TBC1D20: variants seen among roughly 807,000 people sequenced by gnomAD.
TBC1D20 encodes the protein TBC1 domain family member 20, also known as chromosome 20 open reading frame 140.
TBC1D20 carries 12 observed loss-of-function variants against 41.6 expected under a neutral mutation model. That is an observed-to-expected ratio of 0.29 (90% CI 0.18 to 0.47). The LOEUF (loss-of-function observed/expected upper bound fraction) is 0.47, where lower values mean the gene tolerates loss of function less well. TBC1D20 is among the 20% of genes least tolerant of loss of function. The probability of loss-of-function intolerance (pLI) is 1.00; values close to 1 mark genes in which losing one functional copy is unlikely to be tolerated. For missense variants in TBC1D20, 421 were observed against 517.4 expected, an observed-to-expected ratio of 0.81 and a Z score of 1.81; for synonymous variants, 205 against 204.8, an observed-to-expected ratio of 1.00 and a Z score of -0.01.
chr20:455,913 C>T (rs564873701), intron 1 of TBC1D20, among the ~76,000 whole-genome samples: 90 of 149,824 alleles, frequency 6.0e-4, no homozygotes, highest in African/African-American at 2.1e-3. Context: ...GCCTGGGCAA[C>T]GAGAGCAAAA....
intron 1 of TBC1D20, among the ~76,000 whole-genome samples, chr20:454,884 C>T (rs926710642): frequency 3.3e-5 from 5 of 152,120 alleles, no homozygotes; most frequent in Non-Finnish European, 7.3e-5. Context: ...CCATGCCAGG[C>T]TGGTCTCGAA....
chr20:442,924 C>A (rs1221861746), intron 3 of TBC1D20, among the ~76,000 whole-genome samples: 2 of 151,968 alleles, frequency 1.3e-5, no homozygotes, highest in African/African-American at 4.8e-5. Context: ...GGTGAAAAAC[C>A]CCGTCTCTAA....
At position 436,278 on chromosome 20, in the gene TBC1D20, G is replaced by A. The variant is rs1379637343; in HGVS notation, c.*2308C>T. 2.0e-5 allele frequency: 3 copies of A among 152,320 alleles called. No individual in the cohort carries two copies. Among genetic ancestry groups the A allele is most frequent in the South Asian group, 4.1e-4 (2 of 4,826 alleles). 9.4% of individuals were successfully genotyped at this position (152,320 alleles called of 1,614,324 possible). A position where few individuals can be genotyped will look rare whatever the true frequency, so the allele number is the denominator to read the frequency against. ...TGGCCAAGGACGGAATGACAGAAGA[G>A]GTGATTAGTAACCACATATGGCTGT... On this transcript the variant is annotated 3_prime_UTR_variant, in exon 8 of 8. Coordinates refer to ENST00000354200, the MANE Select transcript of TBC1D20 (RefSeq NM_144628.4).
chr20:444,648 C>T (rs1367313290), intron 3 of TBC1D20, among the ~76,000 whole-genome samples: 2 of 151,998 alleles, frequency 1.3e-5, no homozygotes, highest in Non-Finnish European at 2.9e-5. Context: ...AGGGAATGGC[C>T]TCTCTTCCCT....
chr20:451,520 C>T (rs2017442246), intron 1 of TBC1D20, among the ~76,000 whole-genome samples: 1 of 152,102 alleles, frequency 6.6e-6, no homozygotes, highest in Admixed American at 6.6e-5. Context: ...TGCACTCTAG[C>T]CTGGACGTCA....
intron 3 of TBC1D20, among the ~76,000 whole-genome samples, chr20:443,083 G>C (rs2017269368): frequency 6.6e-6 from 1 of 152,096 alleles, no homozygotes; most frequent in Non-Finnish European, 1.5e-5. Flanking sequence ...CCGGGCGAGA[G>C]AGCAAGACTC....
chr20:454,650 C>CATTATTATTATTATT lies in TBC1D20; in HGVS notation c.71-6591_71-6577dup, dbSNP rs11471553. Among the ~76,000 whole-genome samples the CATTATTATTATTATT allele has an allele frequency of 8.2e-4, 123 of 149,582 alleles. 1 individual carries two copies. The highest frequency in any genetic ancestry group is 2.8e-3 in the African/African-American group (114 of 40,866). The stretch of plus-strand genomic sequence containing the variant: ...AAACTGTTTCTATGACAAAGCTGTA[C>CATTATTATTATTATT]ATTATTATTATTATTATTATTATTT... On this transcript the variant is annotated intron_variant, in intron 1 of 7. Coordinates refer to ENST00000354200, the MANE Select transcript of TBC1D20 (RefSeq NM_144628.4).
chr20:460,517 G>GT (rs1391989171), intron 1 of TBC1D20, among the ~76,000 whole-genome samples: 5 of 151,734 alleles, frequency 3.3e-5, no homozygotes, highest in African/African-American at 1.2e-4. Context: ...TTCAGTCTGG[G>GT]TAAGAGTTCT....
At chr20:462,283 C>A (rs1183510437) in intron 1 of TBC1D20, 53 bp downstream of exon 1, 3 of 1,199,242 alleles carry the variant, frequency 2.5e-6, no homozygotes, top group African/African-American at 1.6e-5. Flanking sequence ...GCTGCCCCTG[C>A]CCCCCGGGCC....
In TBC1D20 at chr20:439,743, C is replaced by T. The variant is rs533750835; in HGVS notation, c.769-448G>A. ...CTGTTGGTCCACAAATCCACAGATG[C>T]TCAAGGGACCAGTGGTCATTGAAGG... On this transcript the variant is annotated intron_variant, in intron 6 of 7. Transcript: ENST00000354200. This position sits in a 1 kb window ranked among gnomAD's most constrained non-coding sequence, Gnocchi z 4.6. Among the ~76,000 whole-genome samples the T allele has an allele frequency of 1.2e-4, 19 of 152,338 alleles. No individual in the cohort carries two copies. The highest frequency in any genetic ancestry group is 2.8e-4 in the Non-Finnish European group (19 of 68,030).
In TBC1D20 at chr20:444,665, A is replaced by C. The variant is rs561136318; in HGVS notation, c.337+385T>G. Among the ~76,000 whole-genome samples the C allele has an allele frequency of 1.1e-4, 17 of 152,264 alleles. No homozygotes were observed. The South Asian group carries it at 2.1e-3, about 19-fold the overall frequency. On this transcript the variant is annotated intron_variant, in intron 3 of 7. Coordinates refer to ENST00000354200, the MANE Select transcript of TBC1D20 (RefSeq NM_144628.4). The stretch of plus-strand genomic sequence containing the variant: ...GGAATGGCCTCTCTTCCCTCTAAGG[A>C]ATCTTACATATGTATGCGCAAGGTA...
intron 1 of TBC1D20, among the ~76,000 whole-genome samples, chr20:459,639 T>TTTTATTTA (rs1010556697): frequency 3.3e-5 from 5 of 152,178 alleles, no homozygotes; most frequent in South Asian, 2.1e-4. Flanking sequence ...GAACGCTTAT[T>TTTTATTTA]TTTATTTATT....
rs1281146463 is a variant in TBC1D20 at position 445,075 on chromosome 20, C to T, written c.312G>A (p.Arg104=). ...CAGGAGGGAACCGCCGCAATGACCG[C>T]CGGACGTCCAGCAACACTTGTTGGT... The part of the protein sequence containing the change: ...KDYQQVLLDV[R]RSLRRFPPGM... The change falls in exon 3 of 8, where the codon CGG becomes CGA. Residue 104 remains arginine, a synonymous_variant. Coordinates refer to ENST00000354200, the MANE Select transcript of TBC1D20 (RefSeq NM_144628.4). 1.2e-6 allele frequency: 2 copies of T among 1,605,724 alleles called. No homozygotes were observed. Among genetic ancestry groups the T allele is most frequent in the Non-Finnish European group, 1.7e-6 (2 of 1,175,200 alleles).
At position 438,849 on chromosome 20, in the gene TBC1D20, G is replaced by A; in HGVS notation, c.957-8C>T. ...AAAGTAGAGGCTGCCGTCCTGCAGG[G>A]GAAAGAGACGGAAGGAAGGAAGTGG... is the stretch of plus-strand genomic sequence containing the variant. On this transcript the variant is annotated splice_polypyrimidine_tract_variant and splice_region_variant and intron_variant, in intron 7 of 7. Transcript: ENST00000354200. 1 of 1,610,742 alleles carries A rather than the reference G, an allele frequency of 6.2e-7. No individual in the cohort carries two copies.
In TBC1D20 at chr20:438,976, G is replaced by A. The variant is rs146255276; in HGVS notation, c.956+132C>T. The stretch of plus-strand genomic sequence containing the variant: ...TATGATAAAGACCCATATGTCTACA[G>A]TGGGGATTCCACTGGCCTAAGCTCA... On this transcript the variant is annotated intron_variant, in intron 7 of 7. Transcript: ENST00000354200. The A allele has an allele frequency of 0.03, 43,132 of 1,452,776 alleles. 725 individuals carry two copies. The highest frequency in any genetic ancestry group is 0.038 in the South Asian group (2,827 of 75,262). The allele number at this position is 1,452,776 out of a possible 1,614,324, so 90.0% of individuals were successfully genotyped here.
rs185615488 is a variant in TBC1D20, at chr20:449,571, G to A, written c.71-1497C>T. Among the ~76,000 whole-genome samples the A allele has an allele frequency of 4.2e-3, 640 of 152,114 alleles. 6 individuals are homozygous for A. Among genetic ancestry groups the A allele is most frequent in the African/African-American group, 0.015 (607 of 41,512 alleles). On this transcript the variant is annotated intron_variant, in intron 1 of 7. Coordinates refer to ENST00000354200, the MANE Select transcript of TBC1D20 (RefSeq NM_144628.4). ...AGATCGTGCCACTGCACTCCAGCCT[G>A]GGCGACAAAGTGAGACTCCGTCTCA...
rs574708479 is a variant in TBC1D20, at chr20:439,041, C to A, written c.956+67G>T. 5.9e-4 allele frequency: 917 copies of A among 1,550,388 alleles called. No individual in the cohort carries two copies. Among genetic ancestry groups the A allele is most frequent in the Admixed American group, 1.0e-3 (55 of 53,552 alleles). On this transcript the variant is annotated intron_variant, in intron 7 of 7. Transcript: ENST00000354200. This position sits in a 1 kb window ranked among gnomAD's most constrained non-coding sequence, Gnocchi z 4.6. ...TGCCCCAACCCTATCCCACCAGACA[C>A]AAACCTTCCCTCGCTTCTGCTCATT...
rs530608053 is a variant in TBC1D20 at position 448,955 on chromosome 20, T to C, written c.71-881A>G. On this transcript the variant is annotated intron_variant, in intron 1 of 7. Transcript: ENST00000354200. Reference sequence around the variant, plus strand: ...GCCTCCCGGGTCCCGGTTCAAGCAATTCTGCCTCAGCCTCCCAAGTAGCTG... The same window carrying C: ...GCCTCCCGGGTCCCGGTTCAAGCAACTCTGCCTCAGCCTCCCAAGTAGCTG... Among the ~76,000 whole-genome samples, 23 of 146,400 alleles carry C rather than the reference T, an allele frequency of 1.6e-4. No homozygotes were observed. In the South Asian group the frequency reaches 3.8e-3, roughly 24 times the overall value.
Position 443,789 on chromosome 20 carries a change from T to C in TBC1D20, c.337+1261A>G, listed in dbSNP as rs115178001. 5.1e-3 allele frequency among the ~76,000 whole-genome samples: 769 copies of C among 152,168 alleles called. 8 individuals are homozygous for C. The highest frequency in any genetic ancestry group is 0.018 in the African/African-American group (743 of 41,514). On this transcript the variant is annotated intron_variant, in intron 3 of 7. Coordinates refer to ENST00000354200, the MANE Select transcript of TBC1D20 (RefSeq NM_144628.4). ...GCCTACAGAAAGCGTATCACAGATA[T>C]TACATCAATGGAAGAGGAATAAAGG...
Sources: gnomAD v4.1 joint callset for allele counts (sites outside exome capture counted in the v4.1 genomes callset) on GRCh38, gnomAD v4.1.1 for gene constraint, Gnocchi (gnomAD v3.1) non-coding constraint, MANE v1.5 for transcripts, NCBI Gene and HGNC (gene_info 2026-07-23, HGNC 2026-07-21) for gene names.